The following RBM28 variants were observed in gnomAD, a reference collection of about 807,000 sequenced individuals.
RBM28 encodes RNA-binding protein 28.
Under a neutral mutation model 98.3 loss-of-function variants are expected in RBM28, and 78 were observed. The observed-to-expected ratio is 0.79, with a 90% CI of 0.66 to 0.96. RBM28 has a LOEUF of 0.96. Among genes scored for constraint, RBM28 ranks in the 40% least tolerant of loss-of-function variants. The pLI is 0.00. For missense variants in RBM28, 838 were observed against 913.0 expected (o/e 0.92, Z 1.06); for synonymous variants, 306 against 330.9 (o/e 0.92, Z 0.82).
At chr7:128,320,337 G>GC (rs1796202641) in intron 14 of RBM28, among the ~76,000 whole-genome samples, 1 of 148,666 alleles carries the variant, frequency 6.7e-6, no homozygotes, top group African/African-American at 2.5e-5. Context: ...GGGGGGGGGG[G>GC]GGTGGCGGTT....
At position 128,338,788 on chromosome 7, in the gene RBM28, T is replaced by G; in HGVS notation, c.386A>C (p.Asp129Ala). 3.7e-6 allele frequency: 6 copies of G among 1,610,978 alleles called. No individual in the cohort carries two copies. Among genetic ancestry groups the G allele is most frequent in the Non-Finnish European group, 4.2e-6 (5 of 1,177,212 alleles). ...AAATTGAGCAAATACTGTCTTCAAG[T>G]CATCTTCTGAACACTGAAGCCAAAA... ...RNLSFKCSEDDLKTVFAQFGA... is the reference protein window; with the variant it reads ...RNLSFKCSEDALKTVFAQFGA... The change falls in exon 4 of 19, where the codon GAC becomes GCC. Residue 129 changes from aspartate (D) to alanine (A), a missense_variant. Asp to Ala is a moderately radical substitution (Grantham distance 126). Transcript: ENST00000223073.
At chr7:128,311,940 T>C (rs182337580) in intron 18 of RBM28, among the ~76,000 whole-genome samples, 85 of 152,316 alleles carry the variant, frequency 5.6e-4, no homozygotes, top group Non-Finnish European at 9.3e-4. Context: ...GTAACACTCA[T>C]CAATAACTGC....
chr7:128,333,596 T>C (rs1185781777), intron 8 of RBM28, among the ~76,000 whole-genome samples: 1 of 152,154 alleles, frequency 6.6e-6, no homozygotes, highest in Non-Finnish European at 1.5e-5. Flanking sequence ...CAGGCACCTA[T>C]AGTCCCAGCT....
intron 4 of RBM28, among the ~76,000 whole-genome samples, 179 bp downstream of exon 4, chr7:128,338,547 C>T (rs1294627353): frequency 6.6e-6 from 1 of 152,216 alleles, no homozygotes; most frequent in East Asian, 1.9e-4. Context: ...CTCAAACTAA[C>T]TCGCCTTCTA....
Position 128,339,208 on chromosome 7 carries a change from C to T in RBM28, c.372+19G>A. On this transcript the variant is annotated intron_variant, in intron 3 of 18. Transcript: ENST00000223073. ...AAAAGCCTTCAAAACATGCAATGTT[C>T]ATTTTCTCTCTCACTTACCTTAAAG... 1 of 1,572,730 alleles carries T rather than the reference C, an allele frequency of 6.4e-7. No homozygotes were observed. The highest frequency in any genetic ancestry group is 8.8e-7 in the Non-Finnish European group (1 of 1,142,456).
rs1796133642 is a variant in RBM28 at position 128,317,668 on chromosome 7, C to A, written c.1779G>T (p.Gln593His). 1.9e-6 allele frequency: 3 copies of A among 1,602,046 alleles called. No homozygotes were observed. Among genetic ancestry groups the A allele is most frequent in the Non-Finnish European group, 2.6e-6 (3 of 1,169,168 alleles). ...RKLKMKELRI[Q>H]RSLQKMRSKP... ...CATTTAATTTCTGTACCAAGCTGCG[C>A]TGGATCCTTAATTCCTTCATTTTAA... Residue 593 changes from glutamine to histidine, a missense_variant, in exon 16 of 19, where the codon CAG becomes CAT. By Grantham distance (24) the Gln-to-His change is conservative (BLOSUM62 0). Coordinates refer to ENST00000223073, the MANE Select transcript of RBM28 (RefSeq NM_018077.3).
At chr7:128,336,116 T>C (rs2116383553) in intron 6 of RBM28, 74 bp from the exon 7 acceptor site, 1 of 1,339,666 alleles carries the variant, frequency 7.5e-7, no homozygotes. Context: ...AAGTAACCAA[T>C]ACTCCAAGTT....
At chr7:128,327,198 C>T (rs1435452458) in intron 10 of RBM28, among the ~76,000 whole-genome samples, 1 of 152,138 alleles carries the variant, frequency 6.6e-6, no homozygotes, top group African/African-American at 2.4e-5. Flanking sequence ...TCCAGCCTAA[C>T]ACTTAATTCA....
intron 11 of RBM28, among the ~76,000 whole-genome samples, chr7:128,324,967 G>A (rs1029897618): frequency 2.6e-5 from 4 of 151,844 alleles, no homozygotes; most frequent in Admixed American, 1.3e-4. Flanking sequence ...CGGACATCGC[G>A]CAACTACACT....
At chr7:128,330,964 A>T (rs572996961) in intron 9 of RBM28, 36 bp from the exon 10 acceptor site, 14 of 1,378,978 alleles carry the variant, frequency 1.0e-5, no homozygotes, top group Non-Finnish European at 1.4e-5. Flanking sequence ...AAGAAAAGTC[A>T]ATTACATAAG....
intron 11 of RBM28, among the ~76,000 whole-genome samples, chr7:128,325,094 C>T (rs1315966187): frequency 6.6e-6 from 1 of 152,128 alleles, no homozygotes; most frequent in Non-Finnish European, 1.5e-5. Context: ...CTGACAAGAA[C>T]ACCACAGAAA....
At chr7:128,330,128 T>C (rs571963921) in intron 10 of RBM28, among the ~76,000 whole-genome samples, 3 of 152,130 alleles carry the variant, frequency 2.0e-5, no homozygotes, top group African/African-American at 7.2e-5. Context: ...CAACAGAGTT[T>C]TTCTGTCAGC....
intron 14 of RBM28, among the ~76,000 whole-genome samples, chr7:128,319,454 A>G (rs1796175067): frequency 6.6e-6 from 1 of 152,214 alleles, no homozygotes; most frequent in African/African-American, 2.4e-5. Flanking sequence ...AACCAGTAAC[A>G]CTGAGCAGTT....
At chr7:128,325,769 G>A (rs1230047252) in intron 11 of RBM28, 49 bp downstream of exon 11, 4 of 1,387,122 alleles carry the variant, frequency 2.9e-6, no homozygotes, top group East Asian at 2.3e-5. Context: ...TTGCCCCTAA[G>A]AGCCAAACTG....
intron 1 of RBM28, among the ~76,000 whole-genome samples, chr7:128,340,548 G>A (rs575491386): frequency 7.9e-5 from 12 of 152,258 alleles, no homozygotes; most frequent in African/African-American, 2.6e-4. Context: ...AAAGTACCTA[G>A]TTTCAGGTAT....
Position 128,303,065 on chromosome 7 carries a change from G to A in RBM28, c.*7732C>T, listed in dbSNP as rs1459610295. 1.3e-5 allele frequency: 2 copies of A among 152,200 alleles called. No homozygotes were observed. Among genetic ancestry groups the A allele is most frequent in the African/African-American group, 4.8e-5 (2 of 41,452 alleles). The allele number at this position is 152,200 out of a possible 1,614,324, so 9.4% of individuals were successfully genotyped here. A position where few individuals can be genotyped will look rare whatever the true frequency, so the allele number is the denominator to read the frequency against. On this transcript the variant is annotated 3_prime_UTR_variant, in exon 19 of 19. Transcript: ENST00000223073. ...AGGTATGAGCCACCAAGCCCAGCTG[G>A]AAGTTTTTAAAACGTTTCAACATTC... is the stretch of plus-strand genomic sequence containing the variant.
chr7:128,343,699 T>G lies in RBM28; in HGVS notation c.95A>C (p.Gln32Pro). 3 of 1,611,580 alleles carry G rather than the reference T, an allele frequency of 1.9e-6. No homozygotes were observed. Among genetic ancestry groups the G allele is most frequent in the Non-Finnish European group, 2.5e-6 (3 of 1,178,666 alleles). Residue 32 changes from glutamine to proline, a missense_variant, in exon 1 of 19, where the codon CAG (glutamine) becomes CCG (proline). By Grantham distance (76) the Gln-to-Pro change is moderately conservative. Coordinates refer to ENST00000223073, the MANE Select transcript of RBM28 (RefSeq NM_018077.3). ...ELFSQVGPVK[Q>P]CFVVTEKGSK... is the part of the protein sequence containing the mutation. ...ACCTTTTTCAGTCACCACGAAGCACTGCTTCACCGGCCCCACCTGACTGAA... is the reference window on the plus strand; with the variant it reads ...ACCTTTTTCAGTCACCACGAAGCACGGCTTCACCGGCCCCACCTGACTGAA...
rs1347982382 is a variant in RBM28, at chr7:128,329,882, C to A, written c.1129+937G>T. The stretch of plus-strand genomic sequence containing the variant: ...CCAGCCTGGGCAACAGAGTGAGACT[C>A]CGTCTCAAAAAAAAAAAAAAAAAAA... On this transcript the variant is annotated intron_variant, in intron 10 of 18. Coordinates refer to ENST00000223073, the MANE Select transcript of RBM28 (RefSeq NM_018077.3). 2.0e-3 allele frequency among the ~76,000 whole-genome samples: 230 copies of A among 112,288 alleles called. 1 individual carries two copies. Among genetic ancestry groups the A allele is most frequent in the Non-Finnish European group, 3.1e-3 (183 of 58,374 alleles). 73.7% of individuals were successfully genotyped at this position (112,288 alleles called of 152,430 possible).
intron 1 of RBM28, among the ~76,000 whole-genome samples, chr7:128,342,517 A>G (rs1448615217): frequency 3.9e-5 from 6 of 152,102 alleles, no homozygotes; most frequent in Non-Finnish European, 8.8e-5. Flanking sequence ...CCCCGTCTCT[A>G]CTAAAAATAC....
Sources: gnomAD v4.1 joint callset for allele counts (sites outside exome capture counted in the v4.1 genomes callset) on GRCh38, gnomAD v4.1.1 for gene constraint, MANE v1.5 for transcripts, NCBI Gene and HGNC (gene_info 2026-07-23, HGNC 2026-07-21) for gene names.